Variants in ITIH2 observed in about 807,000 individuals in gnomAD.
The protein encoded by ITIH2 is inter-alpha-trypsin inhibitor heavy chain H2.
Under a neutral mutation model 104.4 loss-of-function variants are expected in ITIH2, and 103 were observed. The ratio of observed to expected loss-of-function variants is 0.99; its 90% CI spans 0.84 to 1.16. The LOEUF (loss-of-function observed/expected upper bound fraction) is 1.16, where lower values mean the gene tolerates loss of function less well. Among genes scored for constraint, ITIH2 ranks in the 50% most tolerant of loss-of-function variants. The probability of loss-of-function intolerance (pLI) is 0.00; values close to 1 mark genes in which losing one functional copy is unlikely to be tolerated. For missense variants in ITIH2, 1,108 were observed against 1,162.4 expected, an observed-to-expected ratio of 0.95 and a Z score of 0.68; for synonymous variants, 436 against 435.4, an observed-to-expected ratio of 1.00 and a Z score of -0.02.
chr10:7,743,450 T>G (rs1003006328), intron 17 of ITIH2, among the ~76,000 whole-genome samples, 191 bp downstream of exon 17: 1 of 152,162 alleles, frequency 6.6e-6, no homozygotes, highest in Non-Finnish European at 1.5e-5. Flanking sequence ...ACTCTGAGTA[T>G]GAACTTGCAG....
Position 7,703,394 on chromosome 10 carries a change from G to C in ITIH2, c.-41G>C. 1.5e-6 allele frequency: 2 copies of C among 1,366,538 alleles called. No homozygotes were observed. The highest frequency in any genetic ancestry group is 2.1e-6 in the Non-Finnish European group (2 of 954,080). 84.7% of individuals were successfully genotyped at this position (1,366,538 alleles called of 1,614,324 possible). On this transcript the variant is annotated 5_prime_UTR_variant, in exon 1 of 21. Transcript: ENST00000358415. ...GTAGGAAGAAGTGATATCCTCCCCA[G>C]ACCATCTGCTTTGGGGAGCTTGGCA...
intron 12 of ITIH2, among the ~76,000 whole-genome samples, chr10:7,731,258 C>T (rs564874646): frequency 1.4e-4 from 21 of 151,974 alleles, no homozygotes; most frequent in Non-Finnish European, 2.1e-4. Context: ...GAGTTTTTCA[C>T]GCTGACCGTA....
rs141514196 is a variant in ITIH2, at chr10:7,721,713, C to T, written c.803C>T (p.Ala268Val). 2.4e-5 allele frequency: 39 copies of T among 1,613,488 alleles called. No individual in the cohort carries two copies. Among genetic ancestry groups the T allele is most frequent in the Middle Eastern group, 1.6e-4 (1 of 6,082 alleles). ...ATATGCCCTAACTGCCGGGAGACTG[C>T]GGTAGATGGGGAACTGGTGGTGCTG... ...QRICPNCRET[A>V]VDGELVVLYD... Residue 268 changes from alanine (A) to valine (V), a missense_variant, in exon 8 of 21, where the codon GCG becomes GTG. By Grantham distance (64) the Ala-to-Val change is moderately conservative (BLOSUM62 0). Transcript: ENST00000358415.
In ITIH2 at chr10:7,742,268, G is replaced by A. The variant is rs550446797; in HGVS notation, c.2096-878G>A. Among the ~76,000 whole-genome samples the A allele has an allele frequency of 5.3e-5, 8 of 151,952 alleles. No homozygotes were observed. In the East Asian group the frequency reaches 5.8e-4, roughly 11 times the overall value. On this transcript the variant is annotated intron_variant, in intron 16 of 20. Transcript: ENST00000358415. Reference sequence around the variant, plus strand: ...AGAGGGAGAGTGGGGATGGGGGAGCGGGAGGGGAGGGGAAGCAAGGAAGGA... The same window carrying A: ...AGAGGGAGAGTGGGGATGGGGGAGCAGGAGGGGAGGGGAAGCAAGGAAGGA...
chr10:7,719,430 C>A (rs11255310), intron 6 of ITIH2, among the ~76,000 whole-genome samples: 1 of 152,194 alleles, frequency 6.6e-6, no homozygotes, highest in African/African-American at 2.4e-5. Flanking sequence ...AACCCACATT[C>A]TCTTCCTCAA....
chr10:7,719,597 A>G (rs770613699), intron 6 of ITIH2, among the ~76,000 whole-genome samples: 1 of 151,656 alleles, frequency 6.6e-6, no homozygotes, highest in Non-Finnish European at 1.5e-5. Flanking sequence ...CCTCTACTGA[A>G]AATAAATAAA....
In ITIH2 at chr10:7,735,142, G is replaced by A. The variant is rs375740302; in HGVS notation, c.1957+51G>A. The A allele has an allele frequency of 5.2e-6, 8 of 1,524,492 alleles. No homozygotes were observed. In the South Asian group the frequency reaches 7.2e-5, roughly 14 times the overall value. The allele number at this position is 1,524,492 out of a possible 1,614,324, so 94.4% of individuals were successfully genotyped here. A position where few individuals can be genotyped will look rare whatever the true frequency, so the allele number is the denominator to read the frequency against. On this transcript the variant is annotated intron_variant, in intron 15 of 20. Coordinates refer to ENST00000358415, the MANE Select transcript of ITIH2 (RefSeq NM_002216.3). Reference sequence around the variant, plus strand: ...GTGGCCAGGCAGCTCTCTTGCCCCGGGGGTGGGCGAAGTCCTAGTGCCTCC... The same window carrying A: ...GTGGCCAGGCAGCTCTCTTGCCCCGAGGGTGGGCGAAGTCCTAGTGCCTCC...
intron 6 of ITIH2, among the ~76,000 whole-genome samples, chr10:7,719,725 C>T (rs903242460): frequency 1.5e-4 from 18 of 119,822 alleles, no homozygotes; most frequent in African/African-American, 5.9e-4. Flanking sequence ...CATGCCACTG[C>T]ACTCCAGGCT....
intron 17 of ITIH2, among the ~76,000 whole-genome samples, 157 bp downstream of exon 17, chr10:7,743,416 G>T (rs577483763): frequency 6.6e-6 from 1 of 152,078 alleles, no homozygotes. Context: ...TAACTATTTT[G>T]AACCATTATA....
intron 16 of ITIH2, among the ~76,000 whole-genome samples, chr10:7,741,377 A>G (rs1223131923): frequency 6.6e-6 from 1 of 151,658 alleles, no homozygotes; most frequent in Non-Finnish European, 1.5e-5. Context: ...GCGGGGTTTC[A>G]CTATGCTGGC....
chr10:7,748,852 T>G (rs184432712), intron 20 of ITIH2, among the ~76,000 whole-genome samples: 1 of 152,216 alleles, frequency 6.6e-6, no homozygotes, highest in East Asian at 1.9e-4. Context: ...GGCTGCTGAC[T>G]CATTCTTTAA....
intron 16 of ITIH2, 85 bp downstream of exon 16, chr10:7,738,843 C>G: frequency 7.4e-7 from 1 of 1,359,038 alleles, no homozygotes; most frequent in African/African-American, 1.5e-5. Flanking sequence ...CCAGGTGCAG[C>G]GGCTCACGCC....
chr10:7,749,055 T>G, intron 20 of ITIH2, 132 bp from the exon 21 acceptor site: 2 of 823,156 alleles, frequency 2.4e-6, no homozygotes, highest in South Asian at 1.8e-5. Context: ...TCACATGACT[T>G]GGGGAGCAGC....
At chr10:7,718,261 C>G (rs182527109) in intron 6 of ITIH2, among the ~76,000 whole-genome samples, 1 of 152,300 alleles carries the variant, frequency 6.6e-6, no homozygotes, top group East Asian at 1.9e-4. Context: ...TTAAATGCCC[C>G]TCTGCCTTTC....
In ITIH2 at chr10:7,724,056, C is replaced by T. The variant is rs186751998; in HGVS notation, c.984+489C>T. Among the ~76,000 whole-genome samples, 681 of 152,130 alleles carry T rather than the reference C, an allele frequency of 4.5e-3. 6 individuals carry two copies. Among genetic ancestry groups the T allele is most frequent in the African/African-American group, 0.016 (661 of 41,498 alleles). On this transcript the variant is annotated intron_variant, in intron 9 of 20. Transcript: ENST00000358415. Reference sequence around the variant, plus strand: ...TGGTAATTGCTTGAGAGCAGCTATCCATCTTATGTTTTCCAGCTCAGAGCT... The same window carrying T: ...TGGTAATTGCTTGAGAGCAGCTATCTATCTTATGTTTTCCAGCTCAGAGCT...
rs190547609 is a variant in ITIH2 at position 7,712,649 on chromosome 10, G to C, written c.363-532G>C. On this transcript the variant is annotated intron_variant, in intron 4 of 20. Transcript: ENST00000358415. Reference sequence around the variant, plus strand: ...AACAGTACATGAGGGAAAGGTTTTAGGATGGGAGCCTACCAAACCCCTCTC... The same window carrying C: ...AACAGTACATGAGGGAAAGGTTTTACGATGGGAGCCTACCAAACCCCTCTC... Among the ~76,000 whole-genome samples the C allele has an allele frequency of 2.9e-3, 444 of 152,252 alleles. 2 individuals carry two copies. Among genetic ancestry groups the C allele is most frequent in the South Asian group, 5.2e-3 (25 of 4,822 alleles).
At chr10:7,738,489 T>G in intron 15 of ITIH2, 132 bp from the exon 16 acceptor site, 1 of 977,290 alleles carries the variant, frequency 1.0e-6, no homozygotes, top group Admixed American at 2.1e-5. Flanking sequence ...GAGAGAACTC[T>G]GGAATAAAAA....
chr10:7,739,980 G>A (rs1373097305), intron 16 of ITIH2, among the ~76,000 whole-genome samples: 2 of 152,188 alleles, frequency 1.3e-5, no homozygotes, highest in African/African-American at 2.4e-5. Flanking sequence ...GAGGTCAGGA[G>A]TTCGAATCCA....
intron 6 of ITIH2, among the ~76,000 whole-genome samples, chr10:7,718,689 C>T (rs1380707733): frequency 6.6e-6 from 1 of 152,168 alleles, no homozygotes; most frequent in Admixed American, 6.5e-5. Context: ...CTCCCTCACC[C>T]TCGAGTAGGC....
Sources: allele counts gnomAD v4.1 joint callset (sites outside exome capture counted in the v4.1 genomes callset), GRCh38; gene constraint gnomAD v4.1.1; transcripts MANE v1.5; gene names NCBI Gene and HGNC (gene_info 2026-07-23, HGNC 2026-07-21).